PRR14L: variants seen among roughly 807,000 people sequenced by gnomAD.
PRR14L encodes the protein proline rich 14 like.
A neutral mutation model predicts 155.0 loss-of-function variants in PRR14L; 80 were observed. That is an observed-to-expected ratio of 0.52 (90% confidence interval 0.43 to 0.62). The LOEUF (loss-of-function observed/expected upper bound fraction) is 0.62. Among genes scored for constraint, PRR14L ranks in the 20% least tolerant of loss-of-function variants. The pLI, the probability that PRR14L is intolerant of heterozygous loss-of-function variation, is 0.00. For synonymous variants in PRR14L, 883 were observed against 916.0 expected, an observed-to-expected ratio of 0.96 and a Z score of 0.65; for missense variants, 2,469 against 2,548.0, an observed-to-expected ratio of 0.97 and a Z score of 0.67.
intron 3 of PRR14L, among the ~76,000 whole-genome samples, chr22:31,723,885 G>A (rs1304545065): frequency 6.6e-6 from 1 of 152,212 alleles, no homozygotes; most frequent in Non-Finnish European, 1.5e-5. Context: ...CCATGGACCA[G>A]TACCCATCCT....
chr22:31,709,099 A>G (rs1242925477), intron 4 of PRR14L, among the ~76,000 whole-genome samples: 1 of 152,108 alleles, frequency 6.6e-6, no homozygotes, highest in Non-Finnish European at 1.5e-5. Context: ...CTGGGATTTT[A>G]GGCATGAGCC....
chr22:31,695,350 A>G (rs1313192028), intron 7 of PRR14L, among the ~76,000 whole-genome samples: 7 of 152,156 alleles, frequency 4.6e-5, no homozygotes, highest in Admixed American at 4.6e-4. Flanking sequence ...ATGCAGGTGG[A>G]AGGGAGCTTC....
intron 1 of PRR14L, among the ~76,000 whole-genome samples, chr22:31,746,467 G>A (rs926863962): frequency 1.3e-5 from 2 of 152,174 alleles, no homozygotes; most frequent in Non-Finnish European, 2.9e-5. Context: ...AATGTAGACA[G>A]GGATTTACAG....
chr22:31,704,744 T>C lies in PRR14L; in HGVS notation c.5757-18A>G, dbSNP rs2074581103. The C allele has an allele frequency of 6.2e-7, 1 of 1,608,454 alleles. No individual in the cohort carries two copies. On this transcript the variant is annotated intron_variant, in intron 4 of 8. Coordinates refer to ENST00000327423, the MANE Select transcript of PRR14L (RefSeq NM_173566.3). ...TGGTGTGGCTAAAGTAAAGCAAAAG[T>C]ACAAAAGCAATAGGTAAGGGCAGTG...
intron 2 of PRR14L, among the ~76,000 whole-genome samples, chr22:31,736,657 G>A (rs937343996): frequency 6.6e-6 from 1 of 152,118 alleles, no homozygotes; most frequent in African/African-American, 2.4e-5. Context: ...TGCTAATAAA[G>A]TTTTATTGGA....
intron 2 of PRR14L, among the ~76,000 whole-genome samples, chr22:31,731,098 T>C (rs2074746710): frequency 6.6e-6 from 1 of 152,186 alleles, no homozygotes; most frequent in Non-Finnish European, 1.5e-5. Context: ...TCTTGCGTTT[T>C]TCCCTCTCCT....
In PRR14L at chr22:31,738,525, C is replaced by G. The variant is rs915456588; in HGVS notation, c.336G>C (p.Lys112Asn). The change falls in exon 2 of 9, where the codon AAG becomes AAC. Residue 112 changes from lysine to asparagine, a missense_variant. By Grantham distance (94) the Lys-to-Asn change is moderately conservative. Transcript: ENST00000327423. ...SVASGILDRA[K>N]RSESMEPKVF... ...CCTTTGGCTCCATGCTCTCGCTTCT[C>G]TTTGCCCTATCCAAGATCCCAGATG... 1 of 1,551,918 alleles carries G rather than the reference C, an allele frequency of 6.4e-7. No individual in the cohort carries two copies. The highest frequency in any genetic ancestry group is 1.4e-5 in the African/African-American group (1 of 73,064).
chr22:31,709,012 G>A (rs1207032028), intron 4 of PRR14L, among the ~76,000 whole-genome samples: 1 of 151,866 alleles, frequency 6.6e-6, no homozygotes, highest in Non-Finnish European at 1.5e-5. Context: ...TAGTAGAGAT[G>A]GGGTTTCTCC....
Position 31,682,663 on chromosome 22 carries a change from C to T in PRR14L, c.*2864G>A, listed in dbSNP as rs1430059840. 1 of 152,092 alleles carries T rather than the reference C, an allele frequency of 6.6e-6. No individual in the cohort carries two copies. Among genetic ancestry groups the T allele is most frequent in the Non-Finnish European group, 1.5e-5 (1 of 68,014 alleles). 9.4% of individuals were successfully genotyped at this position (152,092 alleles called of 1,614,324 possible). ...GCTGATGGGCAGAACCCTGATTAGA[C>T]CTGAGATTTCTCCTCTTTCCCATAT... On this transcript the variant is annotated 3_prime_UTR_variant, in exon 9 of 9. Coordinates refer to ENST00000327423, the MANE Select transcript of PRR14L (RefSeq NM_173566.3).
In PRR14L at chr22:31,714,143, T is replaced by C; in HGVS notation, c.3696A>G (p.Leu1232=). The C allele has an allele frequency of 6.4e-7, 1 of 1,551,620 alleles. No homozygotes were observed. Among genetic ancestry groups the C allele is most frequent in the Non-Finnish European group, 8.7e-7 (1 of 1,146,976 alleles). The change falls in exon 4 of 9, where the codon CTA becomes CTG. Residue 1232 remains leucine, a synonymous_variant. Transcript: ENST00000327423. ...TTATTTCAATGGATTTCAGGCTTCT[T>C]AGGGAAACAGAGCTTTCATCATGGC... is the stretch of plus-strand genomic sequence containing the variant. ...MSCHDESSVS[L]RSLKSIEIMP... is the part of the protein sequence containing the mutation.
intron 8 of PRR14L, among the ~76,000 whole-genome samples, chr22:31,687,102 A>G (rs1457216752): frequency 2.0e-5 from 3 of 152,006 alleles, no homozygotes; most frequent in Non-Finnish European, 4.4e-5. Context: ...CAATGGCGCG[A>G]TCTCGGCTCA....
chr22:31,726,652 T>C (rs2074718127), intron 2 of PRR14L, among the ~76,000 whole-genome samples: 1 of 152,192 alleles, frequency 6.6e-6, no homozygotes, highest in Admixed American at 6.6e-5. Context: ...GCTGAATGTT[T>C]GAGGTGTGAG....
At chr22:31,690,774 T>C (rs796762840) in intron 7 of PRR14L, among the ~76,000 whole-genome samples, 18 of 151,768 alleles carry the variant, frequency 1.2e-4, no homozygotes, top group Admixed American at 6.6e-4. Flanking sequence ...CCTGAGTAGC[T>C]GGGACTACAG....
intron 2 of PRR14L, among the ~76,000 whole-genome samples, chr22:31,727,570 TC>T (rs1437499807): frequency 6.6e-6 from 1 of 151,988 alleles, no homozygotes; most frequent in Admixed American, 6.6e-5. Context: ...AAGAGAGACT[TC>T]CTCCCTGACT....
At chr22:31,688,283 GAGA>G in intron 7 of PRR14L, 56 bp from the exon 8 acceptor site, 4 of 1,486,604 alleles carry the variant, frequency 2.7e-6, no homozygotes, top group East Asian at 2.5e-5. Flanking sequence ...TTTTTTTTCA[GAGA>G]AGGTCTTGCT....
At chr22:31,733,742 C>T (rs1436606281) in intron 2 of PRR14L, among the ~76,000 whole-genome samples, 1 of 152,118 alleles carries the variant, frequency 6.6e-6, no homozygotes, top group African/African-American at 2.4e-5. Context: ...TTCCTCATAG[C>T]CTTGCTTGAA....
intron 3 of PRR14L, among the ~76,000 whole-genome samples, chr22:31,721,913 C>T (rs1472336734): frequency 2.0e-5 from 3 of 152,124 alleles, no homozygotes; most frequent in African/African-American, 7.2e-5. Flanking sequence ...AAAAATAATG[C>T]ACTGAGGGGA....
At chr22:31,749,058 G>C (rs191520413) in intron 1 of PRR14L, among the ~76,000 whole-genome samples, 2 of 152,172 alleles carry the variant, frequency 1.3e-5, no homozygotes, top group Non-Finnish European at 2.9e-5. Context: ...TTTTTTAACA[G>C]ATTAAGTAAT....
intron 7 of PRR14L, among the ~76,000 whole-genome samples, chr22:31,694,729 G>C (rs1379285128): frequency 6.6e-6 from 1 of 151,530 alleles, no homozygotes; most frequent in Non-Finnish European, 1.5e-5. Flanking sequence ...TCCAGCCTGG[G>C]TGACAGAGCA....
Sources: allele counts gnomAD v4.1 joint callset (sites outside exome capture counted in the v4.1 genomes callset), GRCh38; gene constraint gnomAD v4.1.1; transcripts MANE v1.5; gene names NCBI Gene and HGNC (gene_info 2026-07-23, HGNC 2026-07-21).